The following SCLY variants were observed in gnomAD, a reference collection of about 807,000 sequenced individuals.
The protein encoded by SCLY is putative selenocysteine lyase.
A neutral mutation model predicts 50.1 loss-of-function variants in SCLY; 38 were observed. The ratio of observed to expected loss-of-function variants is 0.76; its 90% CI spans 0.59 to 0.99. The LOEUF (loss-of-function observed/expected upper bound fraction) is 0.99. Among genes scored for constraint, SCLY ranks in the 50% least tolerant of loss-of-function variants. The pLI is 0.00. For missense variants in SCLY, 600 were observed against 620.0 expected (o/e 0.97, Z 0.34); for synonymous variants, 243 against 249.4 (o/e 0.97, Z 0.24).
intron 8 of SCLY, chr2:238,091,558 A>T: frequency 1.0e-4 from 33 of 318,908 alleles, no homozygotes; most frequent in East Asian, 3.8e-4. Context: ...ACCATTCCCA[A>T]AGGCGTCGGC....
chr2:238,081,524 C>A, intron 4 of SCLY, 185 bp from the exon 5 acceptor site: 1 of 718,260 alleles, frequency 1.4e-6, no homozygotes, highest in Non-Finnish European at 2.2e-6. Flanking sequence ...CACGTTCACA[C>A]TGAAGCACCT....
chr2:238,081,623 T>G, intron 4 of SCLY, 86 bp from the exon 5 acceptor site: 1 of 1,520,434 alleles, frequency 6.6e-7, no homozygotes, highest in Non-Finnish European at 8.9e-7. Context: ...TTTATAGTTG[T>G]AGAAAACTGT....
rs540710781 is a variant in SCLY at position 238,066,476 on chromosome 2, G to A, written c.203-1589G>A. On this transcript the variant is annotated intron_variant, in intron 2 of 11. Coordinates refer to ENST00000254663, the MANE Select transcript of SCLY (RefSeq NM_016510.7). The surrounding 1 kb of genome is among the most constrained non-coding windows in gnomAD (Gnocchi z 4.1). ...CCCTGTTGGGGGAGGGATGAAGCAC[G>A]GTGCCCAAAATGTATTTGGGTTTTC... Among the ~76,000 whole-genome samples the A allele has an allele frequency of 4.6e-5, 7 of 152,272 alleles. No individual in the cohort carries two copies. The highest frequency in any genetic ancestry group is 3.9e-4 in the East Asian group (2 of 5,184).
At chr2:238,084,787 G>A (rs771670201) in intron 7 of SCLY, among the ~76,000 whole-genome samples, 2 of 150,630 alleles carry the variant, frequency 1.3e-5, no homozygotes, top group African/African-American at 4.9e-5. Flanking sequence ...CCAGCTACTC[G>A]GGAGGCTAAG....
chr2:238,084,672 A>G (rs1311036841), intron 7 of SCLY, among the ~76,000 whole-genome samples: 1 of 147,556 alleles, frequency 6.8e-6, no homozygotes, highest in African/African-American at 2.5e-5. Flanking sequence ...AGGCGGGTGG[A>G]TCACAAGGTC....
Position 238,069,151 on chromosome 2 carries a change from C to G in SCLY, c.304-146C>G. The G allele has an allele frequency of 1.5e-6, 1 of 673,332 alleles. No homozygotes were observed. Among genetic ancestry groups the G allele is most frequent in the Non-Finnish European group, 2.5e-6 (1 of 403,956 alleles). 41.7% of individuals were successfully genotyped at this position (673,332 alleles called of 1,614,324 possible). ...TTTTGAATGTTGGAAAACCCCAAAT[C>G]TTTCAAAAGGTCCCACTCAGGAAGT... On this transcript the variant is annotated intron_variant, in intron 3 of 11. Coordinates refer to ENST00000254663, the MANE Select transcript of SCLY (RefSeq NM_016510.7). The surrounding 1 kb of genome is among the most constrained non-coding windows in gnomAD (Gnocchi z 5.0).
intron 8 of SCLY, chr2:238,091,559 AG>A: frequency 8.7e-5 from 28 of 322,514 alleles, no homozygotes; most frequent in Admixed American, 2.3e-4. Context: ...CCATTCCCAA[AG>A]GCGTCGGCAG....
At position 238,091,227 on chromosome 2, in the gene SCLY, C is replaced by T. The variant is rs149658315; in HGVS notation, c.894C>T (p.Asn298=). The T allele has an allele frequency of 1.7e-5, 27 of 1,613,406 alleles. No homozygotes were observed. Among genetic ancestry groups the T allele is most frequent in the Non-Finnish European group, 2.3e-5 (27 of 1,179,452 alleles). ...CCCTTGTTTCTTACAGGACAGAGAA[C>T]ACCCCAATGATTGCTGGCCTTGGGA... ...QERNFRPGTE[N]TPMIAGLGKA... is the part of the protein sequence containing the mutation. Residue 298 remains asparagine, a synonymous_variant, in exon 8 of 12, where the codon AAC becomes AAT. Transcript: ENST00000254663.
At chr2:238,093,236 G>T (rs72985148) in intron 8 of SCLY, 10,296 of 154,270 alleles carry the variant, frequency 0.067, 346 homozygotes, top group Middle Eastern at 0.089. Context: ...CCTCCTGGGG[G>T]CCTGCTGCTG....
At chr2:238,064,693 A>G (rs2065052371) in intron 2 of SCLY, 1 of 334,460 alleles carries the variant, frequency 3.0e-6, no homozygotes, top group African/African-American at 2.2e-5. Flanking sequence ...AATCTTTAAC[A>G]TGCTGTCCTG....
chr2:238,077,183 C>T (rs1352930396), intron 4 of SCLY, among the ~76,000 whole-genome samples: 1 of 152,114 alleles, frequency 6.6e-6, no homozygotes, highest in East Asian at 1.9e-4. Flanking sequence ...TTGTTAGGTG[C>T]ACATACATTT....
chr2:238,075,821 T>G (rs2065167382), intron 4 of SCLY, among the ~76,000 whole-genome samples: 1 of 152,154 alleles, frequency 6.6e-6, no homozygotes. Context: ...TAACTTTTGA[T>G]TTTCCTGTGT....
intron 9 of SCLY, 69 bp from the exon 10 acceptor site, chr2:238,094,351 A>G (rs1362987512): frequency 7.5e-7 from 1 of 1,326,948 alleles, no homozygotes; most frequent in East Asian, 2.3e-5. Context: ...GGAAAAGTCT[A>G]AATTTCAAAC....
At chr2:238,076,762 TG>T (rs2065179479) in intron 4 of SCLY, among the ~76,000 whole-genome samples, 3 of 152,162 alleles carry the variant, frequency 2.0e-5, no homozygotes, top group Non-Finnish European at 4.4e-5. Flanking sequence ...AATTTCCATA[TG>T]TTTTTTAATT....
chr2:238,065,400 C>T (rs1305935635), intron 2 of SCLY, among the ~76,000 whole-genome samples: 1 of 152,024 alleles, frequency 6.6e-6, no homozygotes, highest in Non-Finnish European at 1.5e-5. Flanking sequence ...AATTAAATGC[C>T]GATGACAGGC....
intron 11 of SCLY, 55 bp from the exon 12 acceptor site, chr2:238,098,147 G>A (rs767969708): frequency 7.6e-6 from 12 of 1,582,532 alleles, no homozygotes; most frequent in Middle Eastern, 1.7e-4. Context: ...AGGGGGGGCT[G>A]TGTCTCTTCC....
rs560433697 is a variant in SCLY at position 238,071,600 on chromosome 2, G to A, written c.484+2123G>A. On this transcript the variant is annotated intron_variant, in intron 4 of 11. Transcript: ENST00000254663. ...CACTGCAGCCTGGGCGACAGGGTGA[G>A]ACACTGTCTCCAAAACAAAAAAACA... is the stretch of plus-strand genomic sequence containing the variant. Among the ~76,000 whole-genome samples, 26 of 152,332 alleles carry A rather than the reference G, an allele frequency of 1.7e-4. No individual in the cohort carries two copies. The South Asian group carries it at 5.0e-3, about 29-fold the overall frequency.
At position 238,066,472 on chromosome 2, in the gene SCLY, G is replaced by A. The variant is rs1043048315; in HGVS notation, c.203-1593G>A. On this transcript the variant is annotated intron_variant, in intron 2 of 11. Transcript: ENST00000254663. This position sits in a 1 kb window ranked among gnomAD's most constrained non-coding sequence, Gnocchi z 4.1. The stretch of plus-strand genomic sequence containing the variant: ...AGCACCCTGTTGGGGGAGGGATGAA[G>A]CACGGTGCCCAAAATGTATTTGGGT... Among the ~76,000 whole-genome samples, 9 of 152,206 alleles carry A rather than the reference G, an allele frequency of 5.9e-5. No homozygotes were observed. The highest frequency in any genetic ancestry group is 1.9e-4 in the African/African-American group (8 of 41,436).
intron 10 of SCLY, chr2:238,094,793 C>T (rs757027774): frequency 1.7e-5 from 7 of 417,462 alleles, no homozygotes; most frequent in Admixed American, 4.2e-5. Flanking sequence ...CTGGCATTAG[C>T]GCCACCCCAA....
Sources: gnomAD v4.1 joint callset for allele counts (sites outside exome capture counted in the v4.1 genomes callset) on GRCh38, gnomAD v4.1.1 for gene constraint, Gnocchi (gnomAD v3.1) non-coding constraint, MANE v1.5 for transcripts, NCBI Gene and HGNC (gene_info 2026-07-23, HGNC 2026-07-21) for gene names.